The following DHRSX variants were observed in gnomAD, a reference collection of about 807,000 sequenced individuals.
The protein encoded by DHRSX is dehydrogenase/reductase X-linked.
Under a neutral mutation model 34.0 loss-of-function variants are expected in DHRSX, and 31 were observed. The ratio of observed to expected loss-of-function variants is 0.91; its 90% CI spans 0.69 to 1.23. The LOEUF (loss-of-function observed/expected upper bound fraction) is 1.23, where lower values mean the gene tolerates loss of function less well. Ranked by LOEUF, DHRSX falls within the 50% of genes most tolerant of loss-of-function variation. The pLI, the probability that DHRSX is intolerant of heterozygous loss-of-function variation, is 0.00. For missense variants in DHRSX, 414 were observed against 428.1 expected, an observed-to-expected ratio of 0.97 and a Z score of 0.29; for synonymous variants, 201 against 183.8, an observed-to-expected ratio of 1.09 and a Z score of -0.76.
chrX:2,345,036 C>T (rs975082004), intron 3 of DHRSX, among the ~76,000 whole-genome samples: 38 of 151,592 alleles, frequency 2.5e-4, no homozygotes, highest in African/African-American at 8.0e-4. Context: ...CTACCCTATA[C>T]CCTGCTGCCA....
intron 3 of DHRSX, among the ~76,000 whole-genome samples, chrX:2,401,339 G>C (rs2043483467): frequency 6.6e-6 from 1 of 152,174 alleles, no homozygotes; most frequent in Non-Finnish European, 1.5e-5. Flanking sequence ...TCAAACTCCT[G>C]ACCTCAAGCT....
At chrX:2,389,544 C>T (rs1161016040) in intron 3 of DHRSX, among the ~76,000 whole-genome samples, 5 of 152,112 alleles carry the variant, frequency 3.3e-5, no homozygotes, top group Admixed American at 6.6e-5. Flanking sequence ...GTGCTGGACA[C>T]GTGTGTCACA....
At chrX:2,275,836 TA>T (rs1167117232) in intron 4 of DHRSX, among the ~76,000 whole-genome samples, 29 of 142,588 alleles carry the variant, frequency 2.0e-4, no homozygotes, top group African/African-American at 6.2e-4. Flanking sequence ...TGCCTTTTTT[TA>T]AAAATTTTAA....
chrX:2,433,836 G>A (rs983725574), intron 1 of DHRSX, among the ~76,000 whole-genome samples: 1 of 152,006 alleles, frequency 6.6e-6, no homozygotes, highest in African/African-American at 2.4e-5. Flanking sequence ...ATGCAGTGGC[G>A]CAATATCAGC....
chrX:2,464,332 A>AAGTGTGTG (rs2044450509), intron 1 of DHRSX, among the ~76,000 whole-genome samples: 5 of 69,790 alleles, frequency 7.2e-5, no homozygotes, highest in African/African-American at 3.0e-4. Context: ...GAGGTTCCCT[A>AAGTGTGTG]GCAATCCGGC....
chrX:2,255,422 T>C (rs1713979222), intron 5 of DHRSX, among the ~76,000 whole-genome samples: 1 of 152,078 alleles, frequency 6.6e-6, no homozygotes, highest in South Asian at 2.1e-4. Flanking sequence ...GTTACACAAC[T>C]TAGTCTATAC....
chrX:2,379,362 C>T (rs2043177812), intron 3 of DHRSX, among the ~76,000 whole-genome samples: 2 of 152,152 alleles, frequency 1.3e-5, no homozygotes, highest in African/African-American at 4.8e-5. Flanking sequence ...ACGTCTGATT[C>T]CCAGTAGATG....
chrX:2,425,680 C>T (rs769324050), intron 1 of DHRSX, among the ~76,000 whole-genome samples: 9 of 152,216 alleles, frequency 5.9e-5, no homozygotes, highest in African/African-American at 1.9e-4. Flanking sequence ...CATTTTTGTT[C>T]GTTTGCGTTG....
At chrX:2,413,093 G>A (rs1475726956) in intron 2 of DHRSX, among the ~76,000 whole-genome samples, 1 of 152,170 alleles carries the variant, frequency 6.6e-6, no homozygotes, top group Non-Finnish European at 1.5e-5. Context: ...TACTCAGGAG[G>A]CTGAGGCAGG....
intron 5 of DHRSX, among the ~76,000 whole-genome samples, chrX:2,261,149 G>T (rs1225707778): frequency 1.3e-5 from 2 of 152,114 alleles, no homozygotes; most frequent in African/African-American, 4.8e-5. Context: ...GGCGGAGGTT[G>T]CCGTGAGCCA....
At chrX:2,282,531 A>G in intron 4 of DHRSX, among the ~76,000 whole-genome samples, 1 of 142,854 alleles carries the variant, frequency 7.0e-6, no homozygotes, top group Non-Finnish European at 1.5e-5. Context: ...ACAGGAAGAG[A>G]AAGGAGATAG....
At chrX:2,499,494 G>A (rs2045359648) in intron 1 of DHRSX, among the ~76,000 whole-genome samples, 1 of 152,192 alleles carries the variant, frequency 6.6e-6, no homozygotes, top group Admixed American at 6.5e-5. Context: ...TATGGGCTGG[G>A]CACAGTGGCG....
At chrX:2,333,568 C>T (rs2042510421) in intron 3 of DHRSX, among the ~76,000 whole-genome samples, 1 of 152,276 alleles carries the variant, frequency 6.6e-6, no homozygotes, top group African/African-American at 2.4e-5. Flanking sequence ...ATGCCTGCTA[C>T]TCTGCCTGGC....
Position 2,379,813 on chromosome X carries a change from G to C in DHRSX, c.286+28932C>G, listed in dbSNP as rs143387552. On this transcript the variant is annotated intron_variant, in intron 3 of 6. Coordinates refer to ENST00000334651, the MANE Select transcript of DHRSX (RefSeq NM_145177.3). ...GCTTTCTTTAATCCACTTGGGCTCA[G>C]TCGTAATGGCAAAGCTAATGAACAC... Among the ~76,000 whole-genome samples the C allele has an allele frequency of 9.2e-3, 1,396 of 151,980 alleles. 33 individuals carry two copies. The East Asian group carries it at 0.093, about 10-fold the overall frequency.
At chrX:2,329,365 G>A (rs1347958813) in intron 3 of DHRSX, among the ~76,000 whole-genome samples, 1 of 152,130 alleles carries the variant, frequency 6.6e-6, no homozygotes, top group East Asian at 1.9e-4. Flanking sequence ...CTTTTGGATT[G>A]TGCGGTTCAA....
intron 6 of DHRSX, among the ~76,000 whole-genome samples, chrX:2,229,429 G>A (rs1372969139): frequency 6.6e-6 from 1 of 151,958 alleles, no homozygotes; most frequent in Non-Finnish European, 1.5e-5. Context: ...CTTCTGCCAC[G>A]ATGTCCCCTG....
In DHRSX at chrX:2,490,902, A is replaced by C; in HGVS notation, c.109+9915T>G. 6.5e-6 allele frequency: 5 copies of C among 774,390 alleles called. No homozygotes were observed. The African/African-American group carries it at 7.0e-5, about 11-fold the overall frequency. 48.0% of individuals were successfully genotyped at this position (774,390 alleles called of 1,614,324 possible). ...AAGGGCACTGGGGCCGGACGGCTGG[A>C]CCTTCCTTGCGGGTCACTTTTGCAG... On this transcript the variant is annotated intron_variant, in intron 1 of 6. Transcript: ENST00000334651.
At chrX:2,388,348 T>C (rs1379122863) in intron 3 of DHRSX, among the ~76,000 whole-genome samples, 1 of 152,070 alleles carries the variant, frequency 6.6e-6, no homozygotes, top group East Asian at 1.9e-4. Context: ...ATGGGGTCTT[T>C]AAAGAGGCAA....
chrX:2,364,946 C>T (rs2042980250), intron 3 of DHRSX, among the ~76,000 whole-genome samples: 2 of 151,996 alleles, frequency 1.3e-5, no homozygotes, highest in Admixed American at 6.6e-5. Flanking sequence ...TCTATGTATC[C>T]ATCATCTATC....
Sources: allele counts gnomAD v4.1 joint callset (sites outside exome capture counted in the v4.1 genomes callset), GRCh38; gene constraint gnomAD v4.1.1; transcripts MANE v1.5; gene names NCBI Gene and HGNC (gene_info 2026-07-23, HGNC 2026-07-21).